Variants in PPP2R5C observed in about 807,000 individuals in gnomAD.
PPP2R5C encodes protein phosphatase 2 regulatory subunit B'gamma.
In PPP2R5C, 7 loss-of-function variants were observed where a neutral mutation model predicts 68.9. That is an observed-to-expected ratio of 0.10 (90% confidence interval 0.06 to 0.19). PPP2R5C has a LOEUF of 0.19. PPP2R5C is among the 10% of genes least tolerant of loss of function. The pLI, the probability that PPP2R5C is intolerant of heterozygous loss-of-function variation, is 1.00. For missense variants in PPP2R5C, 348 were observed against 641.3 expected (o/e 0.54, Z 4.94); for synonymous variants, 210 against 222.2 (o/e 0.95, Z 0.49).
intron 1 of PPP2R5C, 89 bp from the exon 4 acceptor site, chr14:101,856,597 A>G: frequency 8.2e-7 from 1 of 1,226,864 alleles, no homozygotes; most frequent in Non-Finnish European, 1.2e-6. Flanking sequence ...TCTATTCAAA[A>G]TAAAAATAGA....
At chr14:101,777,370 G>C (rs186374301) in intron 2 of PPP2R5C, among the ~76,000 whole-genome samples, 1 of 152,088 alleles carries the variant, frequency 6.6e-6, no homozygotes, top group East Asian at 1.9e-4. Flanking sequence ...GTGTGTTTAA[G>C]ACAGAGTCTC....
chr14:101,925,114 C>T (rs1385636866), intron 13 of PPP2R5C, 27 bp from the exon 16 acceptor site: 1 of 1,612,230 alleles, frequency 6.2e-7, no homozygotes, highest in Non-Finnish European at 8.5e-7. Context: ...TAGTTTGTAG[C>T]CAACGCCATT....
chr14:101,821,977 T>C (rs1036271273), intron 1 of PPP2R5C, among the ~76,000 whole-genome samples: 1 of 152,156 alleles, frequency 6.6e-6, no homozygotes, highest in Admixed American at 6.5e-5. Context: ...TGAGGAGATG[T>C]TTCCCTTTAG....
At chr14:101,920,251 G>C (rs2046938344) in intron 13 of PPP2R5C, among the ~76,000 whole-genome samples, 1 of 152,086 alleles carries the variant, frequency 6.6e-6, no homozygotes, top group East Asian at 1.9e-4. Flanking sequence ...TGTGATATTC[G>C]GGGCCCCAGA....
intron 7 of PPP2R5C, 100 bp from the exon 10 acceptor site, chr14:101,894,407 C>G: frequency 1.8e-6 from 2 of 1,119,052 alleles, no homozygotes; most frequent in Non-Finnish European, 2.7e-6. Flanking sequence ...ACCGTGGGTC[C>G]TTGTCTTGCT....
chr14:101,823,246 C>G (rs573845043), intron 1 of PPP2R5C, among the ~76,000 whole-genome samples: 2 of 152,184 alleles, frequency 1.3e-5, no homozygotes, highest in Non-Finnish European at 2.9e-5. Flanking sequence ...AACTAAGACA[C>G]GCTGCCGATG....
At chr14:101,860,763 C>G (rs79465803) in intron 2 of PPP2R5C, among the ~76,000 whole-genome samples, 1 of 152,106 alleles carries the variant, frequency 6.6e-6, no homozygotes, top group South Asian at 2.1e-4. Context: ...GTGCATTTCT[C>G]GACAACCAGT....
chr14:101,868,618 A>G (rs566370995), intron 2 of PPP2R5C, among the ~76,000 whole-genome samples: 5 of 152,202 alleles, frequency 3.3e-5, no homozygotes, highest in Non-Finnish European at 5.9e-5. Flanking sequence ...TTGTATATAA[A>G]TTATATCTCA....
intron 1 of PPP2R5C, among the ~76,000 whole-genome samples, chr14:101,840,238 C>T (rs928366991): frequency 2.0e-5 from 3 of 151,866 alleles, no homozygotes; most frequent in African/African-American, 7.3e-5. Flanking sequence ...TTCATTTTTT[C>T]CCCCTCTCTG....
At chr14:101,837,949 C>T (rs1327508170) in intron 1 of PPP2R5C, among the ~76,000 whole-genome samples, 1 of 152,168 alleles carries the variant, frequency 6.6e-6, no homozygotes, top group Non-Finnish European at 1.5e-5. Flanking sequence ...GCTGGGCTGT[C>T]GGACTTGGCC....
intron 2 of PPP2R5C, 67 bp downstream of exon 2, chr14:101,763,037 GA>G: frequency 7.4e-7 from 1 of 1,347,258 alleles, no homozygotes; most frequent in East Asian, 2.5e-5. Context: ...GAAAAACCGA[GA>G]GTGATAAAGC....
At chr14:101,807,691 T>G (rs965757546), upstream of PPP2R5C, among the ~76,000 whole-genome samples, 1 of 152,112 alleles carries the variant, frequency 6.6e-6, no homozygotes, top group African/African-American at 2.4e-5. Flanking sequence ...TTATCAATGA[T>G]GGCCAGATCA....
chr14:101,882,289 A>G lies in PPP2R5C; in HGVS notation c.405+18A>G, dbSNP rs764616104. On this transcript the variant is annotated intron_variant, in intron 3 of 13. Coordinates refer to ENST00000334743, the Ensembl canonical transcript of PPP2R5C. The surrounding 1 kb of genome is among the most constrained non-coding windows in gnomAD (Gnocchi z 4.9). ...ATCTACAGGTATCGGGCTCTGGGTGATAGACTCGGAGGGCACTGGTGACAC... is the reference window on the plus strand; with the variant it reads ...ATCTACAGGTATCGGGCTCTGGGTGGTAGACTCGGAGGGCACTGGTGACAC... The G allele has an allele frequency of 6.3e-6, 10 of 1,577,726 alleles. No homozygotes were observed. Among genetic ancestry groups the G allele is most frequent in the Non-Finnish European group, 7.8e-6 (9 of 1,152,858 alleles).
chr14:101,797,310 A>G lies in PPP2R5C; in HGVS notation c.259+11127A>G, dbSNP rs1036990933. 2.2e-6 allele frequency: 1 copy of G among 456,002 alleles called. No individual in the cohort carries two copies. Among genetic ancestry groups the G allele is most frequent in the Non-Finnish European group, 4.4e-6 (1 of 226,768 alleles). 28.2% of individuals were successfully genotyped at this position (456,002 alleles called of 1,614,324 possible). ...ACGGACACATTCCGCGTATCCCCCA[A>G]TCAGTGGATGGACGCGTGGGTTGCA... On this transcript the variant is annotated intron_variant, in intron 3 of 14. Coordinates refer to the PPP2R5C transcript ENST00000328724. The surrounding 1 kb of genome is among the most constrained non-coding windows in gnomAD (Gnocchi z 4.2).
chr14:101,768,397 A>G (rs149407547), intron 2 of PPP2R5C, among the ~76,000 whole-genome samples: 23 of 152,348 alleles, frequency 1.5e-4, no homozygotes, highest in Non-Finnish European at 2.9e-4. Context: ...TTAGTGAGTT[A>G]TATCTATCTA....
At chr14:101,770,480 T>G (rs1236515474) in intron 2 of PPP2R5C, among the ~76,000 whole-genome samples, 1 of 152,182 alleles carries the variant, frequency 6.6e-6, no homozygotes, top group Admixed American at 6.5e-5. Flanking sequence ...ATGGAACCCA[T>G]TTCATGTAAA....
chr14:101,764,138 G>T (rs546402513), intron 2 of PPP2R5C, among the ~76,000 whole-genome samples: 42 of 152,200 alleles, frequency 2.8e-4, no homozygotes, highest in Non-Finnish European at 5.1e-4. Context: ...ACTTGACCAA[G>T]GTTGATGCTG....
chr14:101,786,065 A>G (rs2038077211), exon 3 of PPP2R5C: 1 of 1,551,010 alleles, frequency 6.4e-7, no homozygotes, highest in Non-Finnish European at 8.7e-7. Context: ...CGTCTACAGT[A>G]TCTGCTAAAA....
At chr14:101,883,192 G>A (rs528821478) in intron 3 of PPP2R5C, 65 bp from the exon 6 acceptor site, 1 of 1,138,486 alleles carries the variant, frequency 8.8e-7, no homozygotes, top group African/African-American at 1.6e-5. Context: ...TCAATTTCTG[G>A]TATATTTTAA....
Sources: gnomAD v4.1 joint callset for allele counts (sites outside exome capture counted in the v4.1 genomes callset) on GRCh38, gnomAD v4.1.1 for gene constraint, Gnocchi (gnomAD v3.1) non-coding constraint, MANE v1.5 for transcripts, NCBI Gene and HGNC (gene_info 2026-07-23, HGNC 2026-07-21) for gene names.